Variants in NRXN3 observed in about 807,000 individuals in gnomAD.
NRXN3 encodes neurexin III.
NRXN3 carries 32 observed loss-of-function variants against 137.6 expected under a neutral mutation model. That is an observed-to-expected ratio of 0.23 (90% CI 0.18 to 0.31). The LOEUF (loss-of-function observed/expected upper bound fraction) is 0.31. Ranked by LOEUF, NRXN3 falls within the 10% of genes least tolerant of loss-of-function variation. The probability of loss-of-function intolerance (pLI) is 1.00; values close to 1 mark genes in which losing one functional copy is unlikely to be tolerated. For synonymous variants in NRXN3, 798 were observed against 784.5 expected, an observed-to-expected ratio of 1.02 and a Z score of -0.29; for missense variants, 1,574 against 2,062.5, an observed-to-expected ratio of 0.76 and a Z score of 4.59.
chr14:79,372,701 G>C (rs991406933), intron 15 of NRXN3, among the ~76,000 whole-genome samples: 3 of 151,974 alleles, frequency 2.0e-5, no homozygotes, highest in African/African-American at 7.2e-5. Flanking sequence ...TGTGTGAATT[G>C]GATATGTGAA....
At chr14:79,401,172 A>G (rs1426164687) in intron 15 of NRXN3, among the ~76,000 whole-genome samples, 2 of 152,282 alleles carry the variant, frequency 1.3e-5, no homozygotes, top group South Asian at 4.1e-4. Flanking sequence ...GTTTAGTAAA[A>G]TATTTTCAAA....
At chr14:79,720,469 T>C (rs1231905144) in intron 19 of NRXN3, among the ~76,000 whole-genome samples, 4 of 152,120 alleles carry the variant, frequency 2.6e-5, no homozygotes. Flanking sequence ...GGTTTACTTG[T>C]TGTGATGAAC....
chr14:79,058,348 C>T lies in NRXN3; in HGVS notation c.3262+70207C>T, dbSNP rs538510580. Among the ~76,000 whole-genome samples, 53 of 151,934 alleles carry T rather than the reference C, an allele frequency of 3.5e-4. 1 individual carries two copies. In the South Asian group the frequency reaches 9.6e-3, roughly 27 times the overall value. ...TGCTCCAGGTTTTTAGAATAACAAA[C>T]CAAATTCAGCAGAAGATCAAAGTGA... is the stretch of plus-strand genomic sequence containing the variant. On this transcript the variant is annotated intron_variant, in intron 15 of 20. Transcript: ENST00000335750.
chr14:78,284,902 A>T (rs965387972), intron 3 of NRXN3, among the ~76,000 whole-genome samples: 1 of 152,182 alleles, frequency 6.6e-6, no homozygotes, highest in Non-Finnish European at 1.5e-5. Flanking sequence ...GGCACCTACC[A>T]CTTCACCAAT....
chr14:79,571,669 T>G (rs2097604380), intron 16 of NRXN3, among the ~76,000 whole-genome samples: 1 of 152,188 alleles, frequency 6.6e-6, no homozygotes, highest in Non-Finnish European at 1.5e-5. Flanking sequence ...TAGTTTGCAC[T>G]GTTAGTTCTG....
intron 15 of NRXN3, among the ~76,000 whole-genome samples, chr14:79,317,116 C>T (rs2088952236): frequency 6.6e-6 from 1 of 151,990 alleles, no homozygotes; most frequent in South Asian, 2.1e-4. Flanking sequence ...CCTGTAATCC[C>T]AGCTACTGAG....
At chr14:78,744,992 G>C (rs1055886521) in intron 8 of NRXN3, 5 of 152,140 alleles carry the variant, frequency 3.3e-5, no homozygotes, top group African/African-American at 9.7e-5. Flanking sequence ...TTACCTCCCA[G>C]GCATTGATCC....
At chr14:79,099,557 T>A (rs1356392135) in intron 15 of NRXN3, among the ~76,000 whole-genome samples, 5 of 152,182 alleles carry the variant, frequency 3.3e-5, no homozygotes, top group East Asian at 3.8e-4. Flanking sequence ...GCTAATTTTT[T>A]AAAGTTTTTG....
intron 16 of NRXN3, among the ~76,000 whole-genome samples, chr14:79,535,083 T>A (rs2097199965): frequency 6.6e-6 from 1 of 152,208 alleles, no homozygotes; most frequent in African/African-American, 2.4e-5. Flanking sequence ...CCTTCATTCC[T>A]GATCTGAAAT....
intron 15 of NRXN3, among the ~76,000 whole-genome samples, chr14:79,051,914 T>G (rs2099642593): frequency 6.6e-6 from 1 of 152,198 alleles, no homozygotes; most frequent in Non-Finnish European, 1.5e-5. Flanking sequence ...AAGTTTGCAT[T>G]GGGCAAGTAG....
At chr14:78,451,888 C>A (rs2094560234) in intron 4 of NRXN3, among the ~76,000 whole-genome samples, 1 of 152,200 alleles carries the variant, frequency 6.6e-6, no homozygotes, top group Non-Finnish European at 1.5e-5. Context: ...ATCAAGTGGA[C>A]ATTTTTCTCA....
chr14:79,295,179 T>C (rs1393359442), intron 15 of NRXN3, among the ~76,000 whole-genome samples: 1 of 152,152 alleles, frequency 6.6e-6, no homozygotes, highest in African/African-American at 2.4e-5. Flanking sequence ...TTTTTCCTTT[T>C]TTCCCCCCTT....
intron 15 of NRXN3, among the ~76,000 whole-genome samples, chr14:79,403,614 C>A (rs1228063992): frequency 1.3e-5 from 2 of 152,126 alleles, no homozygotes; most frequent in African/African-American, 4.8e-5. Flanking sequence ...TGAGTAAAGA[C>A]CTCCTACTTA....
intron 4 of NRXN3, among the ~76,000 whole-genome samples, chr14:78,357,605 C>G (rs1050298322): frequency 6.6e-6 from 1 of 152,138 alleles, no homozygotes; most frequent in Non-Finnish European, 1.5e-5. Context: ...TGTCCCTTGC[C>G]CATGACAGCT....
chr14:78,664,104 C>T (rs2097862120), intron 6 of NRXN3, among the ~76,000 whole-genome samples: 1 of 152,200 alleles, frequency 6.6e-6, no homozygotes, highest in Admixed American at 6.5e-5. Context: ...CAGCTTAGGG[C>T]AGCAACACTG....
chr14:78,200,267 A>G lies in NRXN3; in HGVS notation c.-704+29593A>G, dbSNP rs1366256759. 3.3e-5 allele frequency among the ~76,000 whole-genome samples: 5 copies of G among 152,154 alleles called. 1 individual carries two copies. The South Asian group carries it at 1.0e-3, about 32-fold the overall frequency. On this transcript the variant is annotated intron_variant, in intron 1 of 20. Transcript: ENST00000335750. ...AATAGGTTATGTTGTAGCATGAGTG[A>G]GTTGTCTTAATTGGGCAGAAACTTC... is the stretch of plus-strand genomic sequence containing the variant.
At chr14:79,788,638 T>C (rs1018882229) in intron 19 of NRXN3, among the ~76,000 whole-genome samples, 4 of 152,206 alleles carry the variant, frequency 2.6e-5, no homozygotes, top group Admixed American at 2.6e-4. Context: ...GAGCTCATGT[T>C]TTCTGACTCA....
intron 4 of NRXN3, among the ~76,000 whole-genome samples, chr14:78,442,249 A>C (rs1305324581): frequency 1.3e-5 from 2 of 150,354 alleles, no homozygotes. Context: ...CCTGGGCAAC[A>C]GAGGGAGACC....
intron 15 of NRXN3, among the ~76,000 whole-genome samples, chr14:79,246,395 G>C (rs1212524722): frequency 1.3e-5 from 2 of 152,180 alleles, no homozygotes; most frequent in Non-Finnish European, 2.9e-5. Context: ...TAGTGGAATT[G>C]TTTGGTACAA....
Sources: allele counts gnomAD v4.1 joint callset (sites outside exome capture counted in the v4.1 genomes callset), GRCh38; gene constraint gnomAD v4.1.1; transcripts MANE v1.5; gene names NCBI Gene and HGNC (gene_info 2026-07-23, HGNC 2026-07-21).